The following KCTD3 variants were observed in gnomAD, a reference collection of about 807,000 sequenced individuals.
KCTD3 encodes potassium channel tetramerization domain containing 3.
Under a neutral mutation model 85.8 loss-of-function variants are expected in KCTD3, and 41 were observed. The observed-to-expected ratio is 0.48, with a 90% CI of 0.37 to 0.62. The LOEUF (loss-of-function observed/expected upper bound fraction) is 0.62. Ranked by LOEUF, KCTD3 falls within the 20% of genes least tolerant of loss-of-function variation. KCTD3 has a pLI of 0.00. For missense variants in KCTD3, 724 were observed against 989.9 expected, an observed-to-expected ratio of 0.73 and a Z score of 3.60; for synonymous variants, 338 against 345.4, an observed-to-expected ratio of 0.98 and a Z score of 0.24.
chr1:215,612,065 C>G (rs1054522265), intron 15 of KCTD3, 144 bp downstream of exon 15: 1 of 597,016 alleles, frequency 1.7e-6, no homozygotes, highest in Non-Finnish European at 3.0e-6. Flanking sequence ...AATCATAACT[C>G]AAAATTAAGA....
At position 215,567,740 on chromosome 1, in the gene KCTD3, A is replaced by G; in HGVS notation, c.55A>G (p.Ile19Val). Residue 19 changes from isoleucine (I) to valine (V), a missense_variant, in exon 1 of 18, where the codon ATC becomes GTC. Coordinates refer to ENST00000259154, the MANE Select transcript of KCTD3 (RefSeq NM_016121.5). ...FPAAAAGSGE[I>V]VQLNVGGTRF... Reference sequence around the variant, plus strand: ...CGCGGCGGCGGCCGGCAGCGGCGAGATCGTCCAACTGAACGTAGGGGGGAC... The same window carrying G: ...CGCGGCGGCGGCCGGCAGCGGCGAGGTCGTCCAACTGAACGTAGGGGGGAC... 1 of 1,244,576 alleles carries G rather than the reference A, an allele frequency of 8.0e-7. No homozygotes were observed. The highest frequency in any genetic ancestry group is 1.0e-6 in the Non-Finnish European group (1 of 988,304). 77.1% of individuals were successfully genotyped at this position (1,244,576 alleles called of 1,614,324 possible).
intron 10 of KCTD3, among the ~76,000 whole-genome samples, chr1:215,596,660 A>T (rs1660427073): frequency 6.6e-6 from 1 of 152,204 alleles, no homozygotes; most frequent in African/African-American, 2.4e-5. Flanking sequence ...AAAAGATCAG[A>T]GAAGAGAGAC....
chr1:215,592,487 A>G (rs989811269), intron 9 of KCTD3, among the ~76,000 whole-genome samples: 2 of 152,230 alleles, frequency 1.3e-5, no homozygotes, highest in Non-Finnish European at 2.9e-5. Context: ...AACATAAAAA[A>G]TTTTGAAATT....
At chr1:215,602,879 G>A (rs1188444197) in intron 12 of KCTD3, among the ~76,000 whole-genome samples, 1 of 152,126 alleles carries the variant, frequency 6.6e-6, no homozygotes, top group Non-Finnish European at 1.5e-5. Flanking sequence ...ATAATTTTTA[G>A]TATGAAAGAA....
rs781040944 is a variant in KCTD3, at chr1:215,620,665, T to G, written c.*47T>G. ...TGTTTCGTTACATTTAGATGAAAGT[T>G]AAACTTTACTGAATTTCAGTACATT... is the stretch of plus-strand genomic sequence containing the variant. On this transcript the variant is annotated 3_prime_UTR_variant, in exon 18 of 18. Transcript: ENST00000259154. 3.5e-5 allele frequency: 46 copies of G among 1,322,716 alleles called. 1 individual carries two copies. The South Asian group carries it at 6.0e-4, about 17-fold the overall frequency. The allele number at this position is 1,322,716 out of a possible 1,614,324, so 81.9% of individuals were successfully genotyped here. A position where few individuals can be genotyped will look rare whatever the true frequency, so the allele number is the denominator to read the frequency against.
At chr1:215,594,363 A>G (rs1660331727) in intron 9 of KCTD3, among the ~76,000 whole-genome samples, 2 of 152,306 alleles carry the variant, frequency 1.3e-5, no homozygotes, top group South Asian at 2.1e-4. Context: ...AGGTGAGCCT[A>G]GAATTCTCTG....
intron 8 of KCTD3, among the ~76,000 whole-genome samples, chr1:215,584,564 TG>T (rs1332111452): frequency 1.3e-5 from 2 of 152,180 alleles, no homozygotes; most frequent in Admixed American, 6.5e-5. Context: ...CATGATAACT[TG>T]GGGCTTTTGG....
rs748298903 is a variant in KCTD3 at position 215,579,916 on chromosome 1, T to C, written c.543T>C (p.Pro181=). 3.7e-6 allele frequency: 6 copies of C among 1,611,564 alleles called. No individual in the cohort carries two copies. Among genetic ancestry groups the C allele is most frequent in the South Asian group, 3.3e-5 (3 of 90,946 alleles). ...TTTTTCCAAAATCAACAGGATTTCCTGTGGATCCACGAAAGGTGCTAATAG... is the reference window on the plus strand; with the variant it reads ...TTTTTCCAAAATCAACAGGATTTCCCGTGGATCCACGAAAGGTGCTAATAG... The part of the protein sequence containing the change: ...TGEETVRLGF[P]VDPRKVLIVA... Residue 181 remains proline, a synonymous_variant, in exon 8 of 18, where the codon CCT becomes CCC. Transcript: ENST00000259154.
rs1187105953 is a variant in KCTD3 at position 215,574,068 on chromosome 1, T to A, written c.138-5T>A. The A allele has an allele frequency of 6.3e-7, 1 of 1,583,896 alleles. No individual in the cohort carries two copies. Among genetic ancestry groups the A allele is most frequent in the Non-Finnish European group, 8.6e-7 (1 of 1,158,118 alleles). On this transcript the variant is annotated splice_region_variant and splice_polypyrimidine_tract_variant and intron_variant, in intron 2 of 17. Transcript: ENST00000259154. ...AACTAACTTTAGATTATTAATGACT[T>A]CCAGTTTGCTGAGTGGGAGAATTTC...
At chr1:215,586,712 A>G (rs778771433) in intron 9 of KCTD3, 27 bp downstream of exon 9, 2 of 1,558,736 alleles carry the variant, frequency 1.3e-6, no homozygotes, top group Non-Finnish European at 1.8e-6. Context: ...TTATGTTGCA[A>G]TTTGATGATA....
intron 9 of KCTD3, among the ~76,000 whole-genome samples, chr1:215,595,147 G>A (rs1223158272): frequency 3.9e-5 from 6 of 152,182 alleles, no homozygotes; most frequent in Non-Finnish European, 5.9e-5. Flanking sequence ...GTATGAGATG[G>A]CTTGGAGCAG....
intron 15 of KCTD3, among the ~76,000 whole-genome samples, chr1:215,617,688 C>G (rs1021747703): frequency 6.6e-6 from 1 of 151,200 alleles, no homozygotes; most frequent in Non-Finnish European, 1.5e-5. Context: ...GTTTTATCCT[C>G]CCTGTACCAG....
chr1:215,602,079 T>C lies in KCTD3; in HGVS notation c.1022-6T>C. ...TTTAATGCTGTTTAAAATTTTTATG[T>C]TTTAGATATGCAGAAGTTCCCCTTG... is the stretch of plus-strand genomic sequence containing the variant. On this transcript the variant is annotated splice_polypyrimidine_tract_variant and splice_region_variant and intron_variant, in intron 11 of 17. Transcript: ENST00000259154. The C allele has an allele frequency of 1.3e-6, 2 of 1,552,770 alleles. No homozygotes were observed. Among genetic ancestry groups the C allele is most frequent in the Non-Finnish European group, 1.8e-6 (2 of 1,129,370 alleles).
At chr1:215,612,651 C>T (rs1655275879) in intron 15 of KCTD3, among the ~76,000 whole-genome samples, 1 of 152,170 alleles carries the variant, frequency 6.6e-6, no homozygotes, top group South Asian at 2.1e-4. Context: ...CTGGCACTTC[C>T]TGTTACTAGC....
intron 8 of KCTD3, among the ~76,000 whole-genome samples, chr1:215,583,726 A>G (rs1028724305): frequency 1.3e-5 from 2 of 152,164 alleles, no homozygotes; most frequent in South Asian, 4.1e-4. Context: ...AGGAAGATTC[A>G]TCTTCTGTAA....
At chr1:215,596,498 A>G (rs983270223) in intron 10 of KCTD3, among the ~76,000 whole-genome samples, 2 of 152,194 alleles carry the variant, frequency 1.3e-5, no homozygotes, top group Non-Finnish European at 2.9e-5. Context: ...GGGGAACATT[A>G]GCATTTAAGG....
intron 9 of KCTD3, among the ~76,000 whole-genome samples, chr1:215,591,338 CCTTCCTTCTCTCTT>C (rs1660206827): frequency 6.7e-6 from 1 of 148,572 alleles, no homozygotes; most frequent in East Asian, 2.0e-4. Flanking sequence ...TTCCTTCCTT[CCTTCCTTCTCTCTT>C]TCTCTCTTTC....
Position 215,604,128 on chromosome 1 carries a change from A to G in KCTD3, c.1139-4A>G, listed in dbSNP as rs376049494. ...ATCACCTGTCAACTCTTGACTTTAT[A>G]TAGGTGTCAGTGGTAACTGGATCGA... On this transcript the variant is annotated splice_polypyrimidine_tract_variant and splice_region_variant and intron_variant, in intron 12 of 17. Coordinates refer to ENST00000259154, the MANE Select transcript of KCTD3 (RefSeq NM_016121.5). The G allele has an allele frequency of 8.1e-6, 13 of 1,604,368 alleles. No individual in the cohort carries two copies. The African/African-American group carries it at 1.2e-4, about 15-fold the overall frequency.
At chr1:215,605,707 A>T (rs1654993500) in intron 13 of KCTD3, among the ~76,000 whole-genome samples, 1 of 152,138 alleles carries the variant, frequency 6.6e-6, no homozygotes, top group African/African-American at 2.4e-5. Flanking sequence ...CAGTATCACC[A>T]TCTACTTATC....
Sources: gnomAD v4.1 joint callset for allele counts (sites outside exome capture counted in the v4.1 genomes callset) on GRCh38, gnomAD v4.1.1 for gene constraint, MANE v1.5 for transcripts, NCBI Gene and HGNC (gene_info 2026-07-23, HGNC 2026-07-21) for gene names.